Variants in LMBRD1 observed in about 807,000 individuals in gnomAD.
LMBRD1 encodes the protein lysosomal cobalamin transport escort protein LMBD1.
LMBRD1 carries 64 observed loss-of-function variants against 74.8 expected under a neutral mutation model. The ratio of observed to expected loss-of-function variants is 0.86; its 90% CI spans 0.70 to 1.05. LMBRD1 has a LOEUF of 1.05. LMBRD1 is among the 50% of genes least tolerant of loss of function. The pLI is 0.00. For synonymous variants in LMBRD1, 204 were observed against 216.3 expected (o/e 0.94, Z 0.50); for missense variants, 652 against 645.9 (o/e 1.01, Z -0.10).
At chr6:69,784,328 G>A (rs1765899227) in intron 2 of LMBRD1, among the ~76,000 whole-genome samples, 1 of 152,230 alleles carries the variant, frequency 6.6e-6, no homozygotes, top group Non-Finnish European at 1.5e-5. Flanking sequence ...GGTCGCATAT[G>A]TAAATTCCAT....
intron 8 of LMBRD1, among the ~76,000 whole-genome samples, chr6:69,717,983 A>G (rs1342616946): frequency 6.6e-6 from 1 of 152,096 alleles, no homozygotes; most frequent in Non-Finnish European, 1.5e-5. Flanking sequence ...CTAGCCACTT[A>G]TATTTTATTT....
intron 9 of LMBRD1, among the ~76,000 whole-genome samples, chr6:69,710,758 A>C (rs570134580): frequency 1.1e-4 from 17 of 152,168 alleles, no homozygotes; most frequent in Non-Finnish European, 2.1e-4. Flanking sequence ...ATGCAAAGCA[A>C]AACTGTGAGA....
intron 3 of LMBRD1, among the ~76,000 whole-genome samples, chr6:69,776,297 A>G (rs1765699663): frequency 6.6e-6 from 1 of 152,214 alleles, no homozygotes; most frequent in African/African-American, 2.4e-5. Flanking sequence ...ACACTCCTAA[A>G]CAATTTCATT....
chr6:69,705,823 T>G, intron 9 of LMBRD1: 1 of 1,259,012 alleles, frequency 7.9e-7, no homozygotes, highest in South Asian at 1.2e-5. Flanking sequence ...TAAATGTTGT[T>G]CACTAATATG....
At chr6:69,752,885 G>C (rs1765191936) in intron 3 of LMBRD1, among the ~76,000 whole-genome samples, 1 of 152,036 alleles carries the variant, frequency 6.6e-6, no homozygotes, top group South Asian at 2.1e-4. Context: ...AATCAAAATA[G>C]AGAAAAGGTA....
intron 14 of LMBRD1, among the ~76,000 whole-genome samples, chr6:69,677,461 G>T (rs1189358642): frequency 6.6e-6 from 1 of 152,104 alleles, no homozygotes; most frequent in East Asian, 1.9e-4. Context: ...CTATGACATG[G>T]TTGGGGGAAG....
chr6:69,675,781 T>C lies in LMBRD1; in HGVS notation c.*377A>G. The C allele has an allele frequency of 4.7e-6, 1 of 211,890 alleles. No individual in the cohort carries two copies. Among genetic ancestry groups the C allele is most frequent in the South Asian group, 7.4e-5 (1 of 13,446 alleles). The allele number at this position is 211,890 out of a possible 1,614,324, so 13.1% of individuals were successfully genotyped here. On this transcript the variant is annotated 3_prime_UTR_variant, in exon 16 of 16. Transcript: ENST00000649934. The stretch of plus-strand genomic sequence containing the variant: ...CAATCAGAGAGAGACACTTTAAAAT[T>C]CCACATCACTCTGGAGAACCTAAGG...
intron 2 of LMBRD1, among the ~76,000 whole-genome samples, chr6:69,786,595 G>A (rs1381764845): frequency 6.6e-6 from 1 of 151,540 alleles, no homozygotes; most frequent in Non-Finnish European, 1.5e-5. Context: ...TACTCTAAAA[G>A]GTTCTCTTCT....
At chr6:69,725,024 A>T (rs1160806370) in intron 7 of LMBRD1, among the ~76,000 whole-genome samples, 1 of 152,184 alleles carries the variant, frequency 6.6e-6, no homozygotes, top group Admixed American at 6.5e-5. Context: ...GTTGCAGGAT[A>T]CAAAATCAAC....
At chr6:69,685,225 T>G (rs73745720) in intron 14 of LMBRD1, among the ~76,000 whole-genome samples, 1 of 151,836 alleles carries the variant, frequency 6.6e-6, no homozygotes, top group African/African-American at 2.4e-5. Flanking sequence ...ATGGGAGGGG[T>G]AGGGCGAAGA....
chr6:69,692,972 T>C (rs750015466), intron 14 of LMBRD1, among the ~76,000 whole-genome samples: 7 of 152,158 alleles, frequency 4.6e-5, no homozygotes, highest in Non-Finnish European at 8.8e-5. Flanking sequence ...TTCATCTTCC[T>C]ATTTTGACTC....
At chr6:69,742,878 G>C (rs753693594) in intron 5 of LMBRD1, among the ~76,000 whole-genome samples, 27 of 152,046 alleles carry the variant, frequency 1.8e-4, no homozygotes, top group Admixed American at 1.2e-3. Context: ...CAGCATGTCA[G>C]GGGGTTACTT....
chr6:69,790,190 T>C, intron 2 of LMBRD1, 106 bp downstream of exon 2: 1 of 775,578 alleles, frequency 1.3e-6, no homozygotes, highest in South Asian at 1.5e-5. Context: ...GTATTTCCAT[T>C]CTCATTCATT....
rs190118919 is a variant in LMBRD1 at position 69,674,241 on chromosome 6, A to C, written c.*1917T>G. Among the ~76,000 whole-genome samples the C allele has an allele frequency of 4.6e-5, 7 of 152,300 alleles. No homozygotes were observed. In the East Asian group the frequency reaches 1.4e-3, roughly 29 times the overall value. ...GATTTGGGCTTCACGCAATAGCCTC[A>C]TTTTACTTTAATTACTTTTAAAAGG... On this transcript the variant is annotated 3_prime_UTR_variant, in exon 16 of 16. Transcript: ENST00000649934.
chr6:69,747,322 T>C (rs1304558487), intron 5 of LMBRD1, among the ~76,000 whole-genome samples: 1 of 152,176 alleles, frequency 6.6e-6, no homozygotes, highest in South Asian at 2.1e-4. Flanking sequence ...GGTGGCCTTC[T>C]ATAAGCCAGG....
chr6:69,728,086 A>G (rs2149862439), intron 7 of LMBRD1, among the ~76,000 whole-genome samples: 1 of 152,348 alleles, frequency 6.6e-6, no homozygotes, highest in East Asian at 1.9e-4. Context: ...TACAGGAAGC[A>G]TGGTTAGGGA....
At chr6:69,794,311 A>AGACTG (rs113464663) in intron 1 of LMBRD1, among the ~76,000 whole-genome samples, 18,068 of 152,044 alleles carry the variant, frequency 0.12, 2,977 homozygotes, top group African/African-American at 0.37. Context: ...ATTTAAATTA[A>AGACTG]GACTGTGCTT....
rs1296961181 is a variant in LMBRD1 at position 69,738,049 on chromosome 6, T to G, written c.563-34A>C. The G allele has an allele frequency of 2.9e-6, 4 of 1,395,466 alleles. No homozygotes were observed. The African/African-American group carries it at 5.7e-5, about 20-fold the overall frequency. The allele number at this position is 1,395,466 out of a possible 1,614,324, so 86.4% of individuals were successfully genotyped here. On this transcript the variant is annotated intron_variant, in intron 6 of 15. Coordinates refer to ENST00000649934, the MANE Select transcript of LMBRD1 (RefSeq NM_018368.4). ...AAAGAAAAACTGTTAAAAATGTACA[T>G]ATATACTACTCAAATCCTTATATTT...
rs191288083 is a variant in LMBRD1 at position 69,713,328 on chromosome 6, A to C, written c.915+317T>G. Among the ~76,000 whole-genome samples the C allele has an allele frequency of 2.6e-5, 4 of 152,302 alleles. No homozygotes were observed. In the East Asian group the frequency reaches 7.7e-4, roughly 29 times the overall value. On this transcript the variant is annotated intron_variant, in intron 9 of 15. Coordinates refer to ENST00000649934, the MANE Select transcript of LMBRD1 (RefSeq NM_018368.4). ...TGAATCTGTAAATCTACTAGGAGAA[A>C]GCATAGGCTCCTAAGCTCTAAGTCC... is the stretch of plus-strand genomic sequence containing the variant.
Sources: gnomAD v4.1 joint callset for allele counts (sites outside exome capture counted in the v4.1 genomes callset) on GRCh38, gnomAD v4.1.1 for gene constraint, MANE v1.5 for transcripts, NCBI Gene and HGNC (gene_info 2026-07-23, HGNC 2026-07-21) for gene names.